Variants in FSHR observed in about 807,000 individuals in gnomAD.
FSHR encodes follicle stimulating hormone receptor, also known as follicle-stimulating hormone receptor.
Under a neutral mutation model 52.1 loss-of-function variants are expected in FSHR, and 46 were observed. That is an observed-to-expected ratio of 0.88 (90% confidence interval 0.70 to 1.13). The LOEUF (loss-of-function observed/expected upper bound fraction) is 1.13, where lower values mean the gene tolerates loss of function less well. Ranked by LOEUF, FSHR falls within the 50% of genes most tolerant of loss-of-function variation. The pLI is 0.00. For missense variants in FSHR, 964 were observed against 834.6 expected (o/e 1.16, Z -1.91); for synonymous variants, 399 against 309.6 (o/e 1.29, Z -3.03).
intron 6 of FSHR, among the ~76,000 whole-genome samples, chr2:48,987,775 G>T (rs970337238): frequency 6.6e-6 from 1 of 150,546 alleles, no homozygotes; most frequent in African/African-American, 2.5e-5. Context: ...TTCTGCTCGC[G>T]TTTTAGTTTA....
At chr2:49,065,978 G>T (rs1249402302) in intron 2 of FSHR, among the ~76,000 whole-genome samples, 1 of 152,106 alleles carries the variant, frequency 6.6e-6, no homozygotes, top group African/African-American at 2.4e-5. Flanking sequence ...AGTAGAAGAG[G>T]ATAAAGTAGA....
chr2:49,126,151 AT>A (rs1462564648), intron 1 of FSHR, among the ~76,000 whole-genome samples: 1 of 152,182 alleles, frequency 6.6e-6, no homozygotes, highest in African/African-American at 2.4e-5. Context: ...TTATAACAGA[AT>A]ATCTGAGACT....
intron 1 of FSHR, 141 bp downstream of exon 1, chr2:49,154,122 GGGA>G (rs1673161055): frequency 1.2e-6 from 1 of 831,224 alleles, no homozygotes; most frequent in Admixed American, 2.0e-5. Context: ...GGTTGGGCTG[GGGA>G]GTTAGTTGTT....
rs1335607309 is a variant in FSHR at position 49,154,297 on chromosome 2, G to C, written c.121C>G (p.Pro41Ala). The C allele has an allele frequency of 1.2e-6, 2 of 1,613,780 alleles. No individual in the cohort carries two copies. Among genetic ancestry groups the C allele is most frequent in the Admixed American group, 1.7e-5 (1 of 59,974 alleles). Residue 41 changes from proline to alanine, a missense_variant, in exon 1 of 10, where the codon CCT becomes GCT. Coordinates refer to ENST00000406846, the MANE Select transcript of FSHR (RefSeq NM_000145.4). ...ATGGCATTCCTCGGGAGGTCAGAAG[G>C]AATCTCTGTCACCTTGCTCTCTTGG... ...LCQESKVTEI[P>A]SDLPRNAIEL...
intron 1 of FSHR, among the ~76,000 whole-genome samples, chr2:49,091,490 T>C (rs1670606076): frequency 6.6e-6 from 1 of 152,002 alleles, no homozygotes; most frequent in Admixed American, 6.6e-5. Flanking sequence ...AGAGATGGGG[T>C]CTCACCATGT....
chr2:49,063,119 C>T (rs1020254244), intron 2 of FSHR, among the ~76,000 whole-genome samples: 2 of 152,000 alleles, frequency 1.3e-5, no homozygotes, highest in Non-Finnish European at 2.9e-5. Flanking sequence ...CCCTAAATGC[C>T]CAGGAGGTGG....
chr2:49,154,149 C>G, intron 1 of FSHR, 117 bp downstream of exon 1: 3 of 1,133,280 alleles, frequency 2.6e-6, no homozygotes, highest in South Asian at 1.3e-5. Context: ...TTCAGGACTT[C>G]GGTCAAGGGG....
At chr2:49,120,284 AAAAGG>A (rs1296023241) in intron 1 of FSHR, among the ~76,000 whole-genome samples, 1 of 152,162 alleles carries the variant, frequency 6.6e-6, no homozygotes, top group Admixed American at 6.5e-5. Flanking sequence ...CAAAAAAACA[AAAAGG>A]AAAGGAAACT....
intron 1 of FSHR, among the ~76,000 whole-genome samples, chr2:49,104,947 G>C (rs1671171818): frequency 6.6e-6 from 1 of 152,086 alleles, no homozygotes; most frequent in South Asian, 2.1e-4. Flanking sequence ...GAATGAGAAG[G>C]GCTTGGCAAT....
intron 1 of FSHR, among the ~76,000 whole-genome samples, chr2:49,145,061 G>A (rs1004958904): frequency 6.6e-6 from 1 of 151,982 alleles, no homozygotes; most frequent in East Asian, 1.9e-4. Context: ...CTGCTTTGGG[G>A]GAAGCTGGCA....
chr2:49,038,680 AG>A (rs1399339444), intron 2 of FSHR, among the ~76,000 whole-genome samples: 1 of 148,596 alleles, frequency 6.7e-6, no homozygotes, highest in East Asian at 2.0e-4. Flanking sequence ...ATACTGGTTT[AG>A]GGGAATTTAA....
rs755026030 is a variant in FSHR, at chr2:48,963,009, C to T, written c.1812G>A (p.Val604=). The T allele has an allele frequency of 2.5e-5, 41 of 1,613,942 alleles. No individual in the cohort carries two copies. The highest frequency in any genetic ancestry group is 1.3e-4 in the African/African-American group (10 of 74,886). ...GAACCAGCAGAATCTTTGCTTTGGA[C>T]ACAGTGATGAGGGGCACCTTGAGGG... ...SASLKVPLIT[V]SKAKILLVLF... The change falls in exon 10 of 10, where the codon GTG becomes GTA. Residue 604 remains valine (V), a synonymous_variant. Transcript: ENST00000406846.
chr2:49,109,938 C>T (rs1671365580), intron 1 of FSHR, among the ~76,000 whole-genome samples: 1 of 152,048 alleles, frequency 6.6e-6, no homozygotes, highest in Non-Finnish European at 1.5e-5. Flanking sequence ...AAAATGCCAT[C>T]CAGAATGAGA....
chr2:49,125,202 A>G (rs1204045203), intron 1 of FSHR, among the ~76,000 whole-genome samples: 1 of 152,174 alleles, frequency 6.6e-6, no homozygotes, highest in Non-Finnish European at 1.5e-5. Context: ...AGTAGCATAC[A>G]TCATCATCTA....
At chr2:49,105,820 A>C (rs533091622) in intron 1 of FSHR, among the ~76,000 whole-genome samples, 11 of 152,218 alleles carry the variant, frequency 7.2e-5, no homozygotes, top group African/African-American at 2.6e-4. Context: ...TCTCTCCACC[A>C]TGTGAGGCTG....
intron 1 of FSHR, among the ~76,000 whole-genome samples, chr2:49,094,828 T>C (rs1670761196): frequency 1.3e-5 from 2 of 151,904 alleles, no homozygotes; most frequent in Admixed American, 6.6e-5. Flanking sequence ...AGAAAAACAA[T>C]ATAAAAAATC....
rs949992489 is a variant in FSHR, at chr2:48,967,306, C to T, written c.854+1392G>A. On this transcript the variant is annotated intron_variant, in intron 9 of 9. Transcript: ENST00000406846. ...TAGAGACGAGGTCCCACCATGTTAC[C>T]CAGGCTGGTCTCAAACTCCTGGGCT... 5.9e-5 allele frequency among the ~76,000 whole-genome samples: 9 copies of T among 152,088 alleles called. No individual in the cohort carries two copies. The South Asian group carries it at 1.5e-3, about 25-fold the overall frequency.
chr2:49,085,343 C>A (rs1008734439), intron 1 of FSHR, among the ~76,000 whole-genome samples: 1 of 152,208 alleles, frequency 6.6e-6, no homozygotes, highest in African/African-American at 2.4e-5. Flanking sequence ...TGGGACGTAT[C>A]TCAAAATAAT....
At chr2:48,974,048 G>T (rs957695998) in intron 8 of FSHR, among the ~76,000 whole-genome samples, 59 of 151,578 alleles carry the variant, frequency 3.9e-4, no homozygotes, top group Non-Finnish European at 4.7e-4. Context: ...AAAAATGAGA[G>T]GCTGGAGAAA....
Sources: gnomAD v4.1 joint callset for allele counts (sites outside exome capture counted in the v4.1 genomes callset) on GRCh38, gnomAD v4.1.1 for gene constraint, MANE v1.5 for transcripts, NCBI Gene and HGNC (gene_info 2026-07-23, HGNC 2026-07-21) for gene names.